The following DIAPH1 variants were observed in gnomAD, a reference collection of about 807,000 sequenced individuals.
DIAPH1 encodes the protein diaphanous related formin 1.
In DIAPH1, 46 loss-of-function variants were observed where a neutral mutation model predicts 140.7. The ratio of observed to expected loss-of-function variants is 0.33; its 90% CI spans 0.26 to 0.42. DIAPH1 has a LOEUF of 0.42. Ranked by LOEUF, DIAPH1 falls within the 10% of genes least tolerant of loss-of-function variation. DIAPH1 has a pLI of 1.00. For missense variants in DIAPH1, 1,310 were observed against 1,558.7 expected, an observed-to-expected ratio of 0.84 and a Z score of 2.69; for synonymous variants, 565 against 551.6, an observed-to-expected ratio of 1.02 and a Z score of -0.34.
chr5:141,561,756 C>T (rs573823483), intron 18 of DIAPH1: 10 of 152,226 alleles, frequency 6.6e-5, no homozygotes, highest in East Asian at 3.9e-4. Flanking sequence ...TCCTGCTTTT[C>T]CCACCAAACA....
chr5:141,618,656 G>A (rs2099903096), intron 1 of DIAPH1, 142 bp downstream of exon 1: 2 of 569,134 alleles, frequency 3.5e-6, no homozygotes, highest in African/African-American at 4.0e-5. Context: ...ATGTCGGGCT[G>A]CAGAGCTGCG....
chr5:141,596,103 G>C (rs924815962), intron 1 of DIAPH1, among the ~76,000 whole-genome samples: 4 of 152,210 alleles, frequency 2.6e-5, no homozygotes, highest in Non-Finnish European at 5.9e-5. Flanking sequence ...GCTGAGGCAG[G>C]TGGATTGCGA....
At position 141,577,601 on chromosome 5, in the gene DIAPH1, G is replaced by A. The variant is rs777180488; in HGVS notation, c.1164-10C>T. The A allele has an allele frequency of 1.2e-5, 19 of 1,550,388 alleles. No homozygotes were observed. The highest frequency in any genetic ancestry group is 1.7e-5 in the Non-Finnish European group (19 of 1,122,724). ...GACTTCATTAAAGTCAGTGGAAAAG[G>A]GAAATAGGCTAAGGAAAGCAAATAT... is the stretch of plus-strand genomic sequence containing the variant. On this transcript the variant is annotated splice_polypyrimidine_tract_variant and intron_variant, in intron 11 of 27. Transcript: ENST00000389054.
chr5:141,578,469 C>T (rs964565110), intron 10 of DIAPH1, 46 bp downstream of exon 10: 1 of 1,559,216 alleles, frequency 6.4e-7, no homozygotes, highest in Non-Finnish European at 8.8e-7. Flanking sequence ...GGCTGTAGAG[C>T]AAGAAGGAAC....
intron 27 of DIAPH1, among the ~76,000 whole-genome samples, chr5:141,519,222 C>T (rs1203698626): frequency 6.6e-6 from 1 of 152,200 alleles, no homozygotes; most frequent in Admixed American, 6.5e-5. Flanking sequence ...GTCCTTACCA[C>T]CAAAATCTTC....
chr5:141,616,800 CACCGCAGAAAGAAA>C (rs568037873), intron 1 of DIAPH1, among the ~76,000 whole-genome samples: 55 of 152,312 alleles, frequency 3.6e-4, no homozygotes, highest in South Asian at 1.4e-3. Context: ...TTAAGACTAA[CACCGCAGAAAGAAA>C]AGAGAACTTG....
intron 18 of DIAPH1, among the ~76,000 whole-genome samples, chr5:141,556,209 C>A (rs75783398): frequency 0.037 from 5,576 of 152,278 alleles, 132 homozygotes; most frequent in Middle Eastern, 0.078. Context: ...CACATCCCCC[C>A]CGGCCCCAAC....
chr5:141,555,797 A>G (rs936719478), intron 18 of DIAPH1, among the ~76,000 whole-genome samples: 29 of 152,236 alleles, frequency 1.9e-4, no homozygotes, highest in Non-Finnish European at 1.8e-4. Context: ...GTGGTTAAAA[A>G]GTGGCCGTGC....
chr5:141,582,288 G>C lies in DIAPH1; in HGVS notation c.684+24C>G, dbSNP rs376547590. 1.1e-5 allele frequency: 18 copies of C among 1,599,034 alleles called. No individual in the cohort carries two copies. In the African/African-American group the frequency reaches 2.3e-4, roughly 20 times the overall value. ...AGAACAGGCGTCCAGATGGGGTTTG[G>C]AATGAGAATGGGAAAAATCTCACCT... On this transcript the variant is annotated intron_variant, in intron 7 of 27. Transcript: ENST00000389054.
intron 2 of DIAPH1, among the ~76,000 whole-genome samples, chr5:141,587,983 T>C (rs1325393160): frequency 4.6e-5 from 7 of 152,222 alleles, no homozygotes; most frequent in Non-Finnish European, 1.5e-5. Context: ...ATGAGTGGCA[T>C]TCAGACTGCA....
At chr5:141,564,719 C>CA (rs1204361300) in intron 18 of DIAPH1, 2 of 152,104 alleles carry the variant, frequency 1.3e-5, no homozygotes, top group African/African-American at 2.4e-5. Context: ...CTGTCAGAAA[C>CA]AAAAGAAGAG....
intron 1 of DIAPH1, among the ~76,000 whole-genome samples, chr5:141,614,252 A>G (rs1184671135): frequency 1.3e-5 from 2 of 152,172 alleles, no homozygotes; most frequent in African/African-American, 4.8e-5. Flanking sequence ...GCTTCTCTAT[A>G]ACATCTAGTA....
At position 141,528,578 on chromosome 5, in the gene DIAPH1, C is replaced by G. The variant is rs1006618137; in HGVS notation, c.3023G>C (p.Arg1008Pro). 6.2e-7 allele frequency: 1 copy of G among 1,614,142 alleles called. No individual in the cohort carries two copies. Among genetic ancestry groups the G allele is most frequent in the Admixed American group, 1.7e-5 (1 of 60,020 alleles). The change falls in exon 23 of 28, where the codon CGA becomes CCA. Residue 1008 changes from arginine (R) to proline (P), a missense_variant. This residue lies in a region of DIAPH1 where 344 missense variants were observed against 512.2 expected (regional missense o/e 0.67). Coordinates refer to ENST00000389054, the MANE Select transcript of DIAPH1 (RefSeq NM_005219.5). ...CTTCTGATCTGTGGACTTGGTGTCT[C>G]GAAGCTTAGAGAAAGAGGAGAAACT... ...GFNISFLCKL[R>P]DTKSTDQKMT...
chr5:141,518,611 C>T (rs193239543), intron 27 of DIAPH1: 105 of 276,832 alleles, frequency 3.8e-4, no homozygotes, highest in Admixed American at 2.2e-3. Context: ...TAGCCTCAAC[C>T]TCCCAGGCTC....
intron 18 of DIAPH1, among the ~76,000 whole-genome samples, chr5:141,567,634 G>C (rs2099894581): frequency 6.6e-6 from 1 of 152,172 alleles, no homozygotes; most frequent in Non-Finnish European, 1.5e-5. Flanking sequence ...ACAAAACCTT[G>C]CTGCTAAAGG....
At chr5:141,533,412 C>T (rs1596343076) in intron 19 of DIAPH1, among the ~76,000 whole-genome samples, 2 of 152,144 alleles carry the variant, frequency 1.3e-5, no homozygotes, top group Admixed American at 6.5e-5. Flanking sequence ...CAAAGAGTTA[C>T]GAGTATACGT....
intron 18 of DIAPH1, among the ~76,000 whole-genome samples, chr5:141,550,816 G>C (rs1212324784): frequency 6.6e-6 from 1 of 152,112 alleles, no homozygotes; most frequent in African/African-American, 2.4e-5. Context: ...ACCTGCTTGA[G>C]AGGATTGCCC....
At chr5:141,517,856 TG>T (rs2099885929) in intron 27 of DIAPH1, among the ~76,000 whole-genome samples, 1 of 152,216 alleles carries the variant, frequency 6.6e-6, no homozygotes, top group African/African-American at 2.4e-5. Flanking sequence ...TTCTAACTGC[TG>T]GGTTTCATCC....
intron 1 of DIAPH1, among the ~76,000 whole-genome samples, chr5:141,617,127 A>G (rs2099902807): frequency 6.6e-6 from 1 of 152,238 alleles, no homozygotes; most frequent in Admixed American, 6.5e-5. Flanking sequence ...TGGAAATAAA[A>G]TCAAAACAAA....
Sources: allele counts gnomAD v4.1 joint callset (sites outside exome capture counted in the v4.1 genomes callset), GRCh38; gene constraint gnomAD v4.1.1; regional missense constraint gnomAD v4.1.1; transcripts MANE v1.5; gene names NCBI Gene and HGNC (gene_info 2026-07-23, HGNC 2026-07-21).